Variants in SHISA9 observed in about 807,000 individuals in gnomAD.
SHISA9 encodes shisa family member 9.
Under a neutral mutation model 38.0 loss-of-function variants are expected in SHISA9, and 13 were observed. The observed-to-expected ratio is 0.34, with a 90% CI of 0.22 to 0.54. The LOEUF is 0.54. Ranked by LOEUF, SHISA9 falls within the 20% of genes least tolerant of loss-of-function variation. The pLI is 0.91. For missense variants in SHISA9, 538 were observed against 575.8 expected (o/e 0.93, Z 0.67); for synonymous variants, 275 against 242.0 (o/e 1.14, Z -1.27).
intron 2 of SHISA9, among the ~76,000 whole-genome samples, chr16:13,022,043 T>C (rs1364475722): frequency 6.6e-6 from 1 of 152,224 alleles, no homozygotes; most frequent in Non-Finnish European, 1.5e-5. Flanking sequence ...TTCCAGCTTC[T>C]GGTGGCTCCA....
At chr16:13,078,972 C>A (rs1452007473) in intron 2 of SHISA9, among the ~76,000 whole-genome samples, 4 of 147,448 alleles carry the variant, frequency 2.7e-5, no homozygotes, top group East Asian at 1.9e-4. Flanking sequence ...TAGATAAGAG[C>A]TGGGACTATG....
At chr16:13,197,506 G>C (rs1222224042) in intron 2 of SHISA9, 2 of 152,176 alleles carry the variant, frequency 1.3e-5, no homozygotes, top group African/African-American at 4.8e-5. Flanking sequence ...TTACACGGTA[G>C]TTACCTTGGC....
chr16:13,170,534 C>A (rs1474161851), intron 2 of SHISA9, among the ~76,000 whole-genome samples: 1 of 152,214 alleles, frequency 6.6e-6, no homozygotes, highest in Admixed American at 6.5e-5. Flanking sequence ...CTAATGGACA[C>A]TGGGCTTAAT....
the SHISA9 span, among the ~76,000 whole-genome samples, chr16:13,379,461 C>T: frequency 6.6e-6 from 1 of 152,208 alleles, no homozygotes; most frequent in African/African-American, 2.4e-5. Context: ...CGCCACTTCC[C>T]TCCTCCTGCT....
At chr16:12,992,613 C>G (rs911742349) in intron 2 of SHISA9, among the ~76,000 whole-genome samples, 7 of 152,114 alleles carry the variant, frequency 4.6e-5, no homozygotes, top group African/African-American at 1.7e-4. Flanking sequence ...GAGCCAGAAT[C>G]TGGTCTAGAT....
chr16:13,229,788 C>T (rs1253183061), intron 4 of SHISA9, among the ~76,000 whole-genome samples: 1 of 152,116 alleles, frequency 6.6e-6, no homozygotes, highest in Non-Finnish European at 1.5e-5. Context: ...ATGGAGAGAG[C>T]AGGGGTGGCT....
chr16:13,056,025 G>A (rs550694650), intron 2 of SHISA9, among the ~76,000 whole-genome samples: 158 of 152,318 alleles, frequency 1.0e-3, no homozygotes, highest in Non-Finnish European at 2.1e-3. Context: ...TGGCAGATCC[G>A]CCTCTGTCAT....
the SHISA9 span, among the ~76,000 whole-genome samples, chr16:13,316,330 G>C: frequency 1.1e-3 from 171 of 152,200 alleles, no homozygotes; most frequent in African/African-American, 3.5e-3. Context: ...ATTTCCTTCT[G>C]TCTAGGGGAT....
At chr16:12,962,177 A>G (rs573057418) in intron 2 of SHISA9, among the ~76,000 whole-genome samples, 32 of 152,290 alleles carry the variant, frequency 2.1e-4, no homozygotes, top group Non-Finnish European at 4.0e-4. Flanking sequence ...TTGTCATTTC[A>G]TACACATGAT....
chr16:13,037,752 T>C (rs1191463000), intron 2 of SHISA9, among the ~76,000 whole-genome samples: 1 of 152,146 alleles, frequency 6.6e-6, no homozygotes, highest in Non-Finnish European at 1.5e-5. Flanking sequence ...CTTAGAACGT[T>C]ATAGACATGT....
intron 4 of SHISA9, among the ~76,000 whole-genome samples, chr16:13,229,597 G>C (rs2051311532): frequency 6.6e-6 from 1 of 152,192 alleles, no homozygotes; most frequent in Non-Finnish European, 1.5e-5. Context: ...ATGGTTTTGG[G>C]AAGGGGTCCA....
At chr16:13,505,300 T>G in the SHISA9 span, among the ~76,000 whole-genome samples, 2 of 152,202 alleles carry the variant, frequency 1.3e-5, no homozygotes, top group Non-Finnish European at 1.5e-5. Flanking sequence ...TGGCTCTGCC[T>G]TCTGGTCCTC....
chr16:13,131,736 A>G lies in SHISA9; in HGVS notation c.692-71658A>G, dbSNP rs145773358. Among the ~76,000 whole-genome samples, 133 of 152,304 alleles carry G rather than the reference A, an allele frequency of 8.7e-4. 1 individual carries two copies. The highest frequency in any genetic ancestry group is 1.5e-3 in the Non-Finnish European group (105 of 68,012). ...TACAACCCCCAAGGAGTGAAAATGGAAAATCCCAAAAAAGGAAAATCATGA... is the reference window on the plus strand; with the variant it reads ...TACAACCCCCAAGGAGTGAAAATGGGAAATCCCAAAAAAGGAAAATCATGA... On this transcript the variant is annotated intron_variant, in intron 2 of 4. Transcript: ENST00000558583.
At chr16:12,978,336 A>T (rs996047485) in intron 2 of SHISA9, among the ~76,000 whole-genome samples, 3 of 152,220 alleles carry the variant, frequency 2.0e-5, no homozygotes. Context: ...TGTTTCATCA[A>T]ATTATGATAG....
the SHISA9 span, among the ~76,000 whole-genome samples, chr16:13,297,607 T>C: frequency 6.6e-6 from 1 of 152,178 alleles, no homozygotes; most frequent in Non-Finnish European, 1.5e-5. Context: ...ACAAAGTCCC[T>C]TAGGCGGGAA....
the SHISA9 span, among the ~76,000 whole-genome samples, chr16:13,373,164 A>C: frequency 6.6e-6 from 1 of 152,174 alleles, no homozygotes; most frequent in Non-Finnish European, 1.5e-5. Context: ...CCTGACTCCA[A>C]GCAAAATGCC....
intron 2 of SHISA9, among the ~76,000 whole-genome samples, chr16:13,043,607 G>T (rs1273564965): frequency 6.6e-6 from 1 of 152,158 alleles, no homozygotes; most frequent in Non-Finnish European, 1.5e-5. Context: ...CTCTACTCCT[G>T]CGGTGGGAAC....
the SHISA9 span, among the ~76,000 whole-genome samples, chr16:13,418,351 G>C: frequency 6.6e-6 from 1 of 152,176 alleles, no homozygotes; most frequent in Non-Finnish European, 1.5e-5. Context: ...GTTCCACAAT[G>C]TCTAGGGTAA....
chr16:12,963,948 C>T (rs2071944965), intron 2 of SHISA9, among the ~76,000 whole-genome samples: 1 of 152,196 alleles, frequency 6.6e-6, no homozygotes, highest in Admixed American at 6.5e-5. Flanking sequence ...ACCAAGGGGG[C>T]TTCAGAAGCC....
Sources: allele counts gnomAD v4.1 joint callset (sites outside exome capture counted in the v4.1 genomes callset), GRCh38; gene constraint gnomAD v4.1.1; transcripts MANE v1.5; gene names NCBI Gene and HGNC (gene_info 2026-07-23, HGNC 2026-07-21).